The following CALM3 variants were observed in gnomAD, a reference collection of about 807,000 sequenced individuals.
The protein encoded by CALM3 is calmodulin-3.
CALM3 carries 5 observed loss-of-function variants against 20.1 expected under a neutral mutation model. The ratio of observed to expected loss-of-function variants is 0.25; its 90% CI spans 0.13 to 0.52. The LOEUF is 0.52. Ranked by LOEUF, CALM3 falls within the 20% of genes least tolerant of loss-of-function variation. CALM3 has a pLI of 0.96. For missense variants in CALM3, 57 were observed against 192.8 expected (o/e 0.30, Z 4.17); for synonymous variants, 69 against 68.1 (o/e 1.01, Z -0.06).
At position 46,605,022 on chromosome 19, in the gene CALM3, C is replaced by G. The variant is rs896392770; in HGVS notation, c.4-805C>G. Among the ~76,000 whole-genome samples, 4 of 152,132 alleles carry G rather than the reference C, an allele frequency of 2.6e-5. No homozygotes were observed. The highest frequency in any genetic ancestry group is 9.7e-5 in the African/African-American group (4 of 41,428). On this transcript the variant is annotated intron_variant, in intron 1 of 5. Coordinates refer to ENST00000291295, the MANE Select transcript of CALM3 (RefSeq NM_005184.4). The surrounding 1 kb of genome is among the most constrained non-coding windows in gnomAD (Gnocchi z 4.1). The stretch of plus-strand genomic sequence containing the variant: ...TGCAGCAAGGGCTGCCTGCCACCCA[C>G]TGGCCAGTCCCCAGAGTGCCCAAGC...
intron 1 of CALM3, chr19:46,602,343 T>A: frequency 2.1e-6 from 1 of 466,308 alleles, no homozygotes; most frequent in Non-Finnish European, 3.5e-6. Context: ...TTTAACGGGG[T>A]GGGAGTGTTG....
chr19:46,604,552 T>TTG (rs1233890789), intron 1 of CALM3, among the ~76,000 whole-genome samples: 1 of 151,472 alleles, frequency 6.6e-6, no homozygotes, highest in Non-Finnish European at 1.5e-5. Context: ...GTTAGGTTTT[T>TTG]TTTTTTTTTT....
rs375625847 is a variant in CALM3, at chr19:46,609,376, C to T, written c.*223C>T. 215 of 603,456 alleles carry T rather than the reference C, an allele frequency of 3.6e-4. 2 individuals are homozygous for T. The Admixed American group carries it at 5.5e-3, about 15-fold the overall frequency. The allele number at this position is 603,456 out of a possible 1,614,324, so 37.4% of individuals were successfully genotyped here. A position where few individuals can be genotyped will look rare whatever the true frequency, so the allele number is the denominator to read the frequency against. ...GCCCCTCATCTCTTCCTTTTGCCCTCGCCTCTTCCATCCATGTCTTCCAAG... is the reference window on the plus strand; with the variant it reads ...GCCCCTCATCTCTTCCTTTTGCCCTTGCCTCTTCCATCCATGTCTTCCAAG... On this transcript the variant is annotated 3_prime_UTR_variant, in exon 6 of 6. Transcript: ENST00000291295.
In CALM3 at chr19:46,605,385, C is replaced by G. The variant is rs1375518339; in HGVS notation, c.4-442C>G. ...AGGACTGGCCTGCTTCAGTTTGGAG[C>G]CTTCTAGAGCTTCTTGATGAGGCCT... On this transcript the variant is annotated intron_variant, in intron 1 of 5. Coordinates refer to ENST00000291295, the MANE Select transcript of CALM3 (RefSeq NM_005184.4). The surrounding 1 kb of genome is among the most constrained non-coding windows in gnomAD (Gnocchi z 4.1). 1 of 162,012 alleles carries G rather than the reference C, an allele frequency of 6.2e-6. No homozygotes were observed. The highest frequency in any genetic ancestry group is 1.3e-5 in the Non-Finnish European group (1 of 74,616). 10.0% of individuals were successfully genotyped at this position (162,012 alleles called of 1,614,324 possible).
chr19:46,601,295 G>A (rs1212370998), upstream of CALM3: 10 of 708,432 alleles, frequency 1.4e-5, no homozygotes, highest in African/African-American at 1.5e-4. This position sits in a 1 kb window ranked among gnomAD's most constrained non-coding sequence, Gnocchi z 4.2. Context: ...CCGTTGGGGC[G>A]GGAGGCGGCG....
Position 46,605,780 on chromosome 19 carries a change from C to T in CALM3, c.4-47C>T, listed in dbSNP as rs556811467. The T allele has an allele frequency of 7.0e-5, 113 of 1,605,618 alleles. No individual in the cohort carries two copies. The East Asian group carries it at 7.1e-4, about 10-fold the overall frequency. ...CTGGGCTGAGTGAGGAAGATGCGTC[C>T]GTGCTGTCCGGCCTGGTGACTGACT... On this transcript the variant is annotated intron_variant, in intron 1 of 5. Transcript: ENST00000291295. This position sits in a 1 kb window ranked among gnomAD's most constrained non-coding sequence, Gnocchi z 4.1.
Position 46,609,204 on chromosome 19 carries a change from G to C in CALM3, c.*51G>C, listed in dbSNP as rs533341328. ...CCGTTCTCTTGATCTCTCTCTTCTC[G>C]CGCGCGCACTCTCTCTTCAACACTC... On this transcript the variant is annotated 3_prime_UTR_variant, in exon 6 of 6. Transcript: ENST00000291295. The C allele has an allele frequency of 6.3e-7, 1 of 1,575,560 alleles. No individual in the cohort carries two copies. The highest frequency in any genetic ancestry group is 1.1e-5 in the South Asian group (1 of 89,028).
At chr19:46,606,976 A>G (rs1971755881) in intron 2 of CALM3, among the ~76,000 whole-genome samples, 1 of 152,130 alleles carries the variant, frequency 6.6e-6, no homozygotes, top group Admixed American at 6.5e-5. Flanking sequence ...GGAGGCAGGA[A>G]CGGACTTGCC....
intron 1 of CALM3, chr19:46,602,568 G>C (rs1971652216): frequency 4.6e-6 from 1 of 218,066 alleles, no homozygotes; most frequent in South Asian, 5.2e-5. Context: ...GGGCCCGGAG[G>C]AAGCTTTTCT....
In CALM3 at chr19:46,608,610, C is replaced by T. The variant is rs769674663; in HGVS notation, c.285+22C>T. ...CAAGGTAAGCAGCCCTCTCCAGGGG[C>T]GGCTCTGAGACTGACGCCAGCCTTC... On this transcript the variant is annotated intron_variant, in intron 4 of 5. Coordinates refer to ENST00000291295, the MANE Select transcript of CALM3 (RefSeq NM_005184.4). This position sits in a 1 kb window ranked among gnomAD's most constrained non-coding sequence, Gnocchi z 5.5. 5.7e-5 allele frequency: 90 copies of T among 1,574,628 alleles called. No homozygotes were observed. Among genetic ancestry groups the T allele is most frequent in the East Asian group, 1.3e-4 (6 of 44,636 alleles).
chr19:46,608,805 G>C lies in CALM3; in HGVS notation c.286-41G>C, dbSNP rs972668110. 7 of 1,531,710 alleles carry C rather than the reference G, an allele frequency of 4.6e-6. No individual in the cohort carries two copies. The highest frequency in any genetic ancestry group is 6.1e-6 in the Non-Finnish European group (7 of 1,139,984). The allele number at this position is 1,531,710 out of a possible 1,614,324, so 94.9% of individuals were successfully genotyped here. On this transcript the variant is annotated intron_variant, in intron 4 of 5. Coordinates refer to ENST00000291295, the MANE Select transcript of CALM3 (RefSeq NM_005184.4). The surrounding 1 kb of genome is among the most constrained non-coding windows in gnomAD (Gnocchi z 5.5). ...CCCTCTCACTGCCTCTCTCCCCACC[G>C]GGAGAAGTGCCCAGTGAAAGGCTTT...
At position 46,609,235 on chromosome 19, in the gene CALM3, C is replaced by A; in HGVS notation, c.*82C>A. ...GCACTCTCTCTTCAACACTCCCCTG[C>A]GTACCCCGGTTCTAGCAAACACCAA... On this transcript the variant is annotated 3_prime_UTR_variant, in exon 6 of 6. Coordinates refer to ENST00000291295, the MANE Select transcript of CALM3 (RefSeq NM_005184.4). The A allele has an allele frequency of 7.8e-7, 1 of 1,280,376 alleles. No individual in the cohort carries two copies. Among genetic ancestry groups the A allele is most frequent in the African/African-American group, 1.5e-5 (1 of 68,100 alleles). The allele number at this position is 1,280,376 out of a possible 1,614,324, so 79.3% of individuals were successfully genotyped here. A position where few individuals can be genotyped will look rare whatever the true frequency, so the allele number is the denominator to read the frequency against.
intron 1 of CALM3, among the ~76,000 whole-genome samples, chr19:46,604,497 T>C (rs867627879): frequency 1.3e-4 from 20 of 151,574 alleles, no homozygotes; most frequent in African/African-American, 4.4e-4. Flanking sequence ...TCATTTTGAT[T>C]ACCCCTCCCA....
In CALM3 at chr19:46,608,713, C is replaced by A; in HGVS notation, c.285+125C>A. ...GTCCCGGTGCCAGCCTCATTGCCAA[C>A]CTGCTCTGCCACCTCAGGCAGCCTC... On this transcript the variant is annotated intron_variant, in intron 4 of 5. Transcript: ENST00000291295. This position sits in a 1 kb window ranked among gnomAD's most constrained non-coding sequence, Gnocchi z 5.5. The A allele has an allele frequency of 1.6e-6, 2 of 1,280,488 alleles. No homozygotes were observed. Among genetic ancestry groups the A allele is most frequent in the Non-Finnish European group, 2.2e-6 (2 of 918,798 alleles). 79.3% of individuals were successfully genotyped at this position (1,280,488 alleles called of 1,614,324 possible).
In CALM3 at chr19:46,610,088, G is replaced by T. The variant is rs1343917853; in HGVS notation, c.*935G>T. On this transcript the variant is annotated 3_prime_UTR_variant, in exon 6 of 6. Transcript: ENST00000291295. ...GCCCTTAAGACTTTCATTTTGTTCA[G>T]AACCATGCTGGGCTAGCTAAAGGGT... 1.3e-5 allele frequency: 2 copies of T among 152,358 alleles called. No individual in the cohort carries two copies. Among genetic ancestry groups the T allele is most frequent in the Non-Finnish European group, 2.9e-5 (2 of 68,016 alleles). 9.4% of individuals were successfully genotyped at this position (152,358 alleles called of 1,614,324 possible).
At chr19:46,604,893 A>AGCCCCGCTCCT (rs1314756818) in intron 1 of CALM3, among the ~76,000 whole-genome samples, 1 of 148,346 alleles carries the variant, frequency 6.7e-6, no homozygotes, top group East Asian at 2.0e-4. Flanking sequence ...CCAACCCCCC[A>AGCCCCGCTCCT]GCCCCGCTCC....
chr19:46,606,094 C>T (rs1157654086), intron 2 of CALM3: 10 of 488,926 alleles, frequency 2.0e-5, no homozygotes, highest in Non-Finnish European at 3.7e-5. Context: ...CTGTGTTCCT[C>T]TCCTGGGCCT....
chr19:46,602,096 G>A (rs1453513690), intron 1 of CALM3: 2 of 1,310,956 alleles, frequency 1.5e-6, no homozygotes, highest in African/African-American at 1.5e-5. Flanking sequence ...GGAGGGTGAG[G>A]TGCAAGCTTA....
At chr19:46,604,824 A>G (rs1599755631) in intron 1 of CALM3, among the ~76,000 whole-genome samples, 2 of 152,208 alleles carry the variant, frequency 1.3e-5, no homozygotes, top group Middle Eastern at 6.8e-3. Flanking sequence ...CAGCATCAAC[A>G]AAAACCAGGG....
Sources: allele counts gnomAD v4.1 joint callset (sites outside exome capture counted in the v4.1 genomes callset), GRCh38; gene constraint gnomAD v4.1.1; non-coding constraint Gnocchi (gnomAD v3.1); transcripts MANE v1.5; gene names NCBI Gene and HGNC (gene_info 2026-07-23, HGNC 2026-07-21).